LRRTM1: variants seen among roughly 807,000 people sequenced by gnomAD.
The protein encoded by LRRTM1 is leucine-rich repeat transmembrane neuronal protein 1.
Under a neutral mutation model 37.3 loss-of-function variants are expected in LRRTM1, and 8 were observed. That is an observed-to-expected ratio of 0.21 (90% CI 0.13 to 0.39). The LOEUF is 0.39. LRRTM1 is among the 10% of genes least tolerant of loss of function. LRRTM1 has a pLI of 1.00. For synonymous variants in LRRTM1, 326 were observed against 316.8 expected (o/e 1.03, Z -0.31); for missense variants, 557 against 691.0 (o/e 0.81, Z 2.17).
chr2:80,302,291 CACGAGCCAT>C lies in LRRTM1; in HGVS notation c.1520_1528del (p.Tyr507_Ser509del), dbSNP rs1485736792. 4 of 1,613,882 alleles carry C rather than the reference CACGAGCCAT, an allele frequency of 2.5e-6. No individual in the cohort carries two copies. The highest frequency in any genetic ancestry group is 3.4e-6 in the Non-Finnish European group (4 of 1,179,984). ...CCTCGCGGGCTGCTGGTGGCAGGTA[CACGAGCCAT>C]ACTCGTTGATGATCACCAGGGCTCC... On this transcript the variant is annotated inframe_deletion, in exon 2 of 2. Transcript: ENST00000295057. This position sits in a 1 kb window ranked among gnomAD's most constrained non-coding sequence, Gnocchi z 6.4.
In LRRTM1 at chr2:80,302,713, G is replaced by T. The variant is rs767240774; in HGVS notation, c.1107C>A (p.Pro369=). 1 of 1,612,826 alleles carries T rather than the reference G, an allele frequency of 6.2e-7. No homozygotes were observed. Among genetic ancestry groups the T allele is most frequent in the South Asian group, 1.1e-5 (1 of 91,042 alleles). ...AFHLCEDGAE[P]TSGHLLSAVT... ...CGGCCGAGAGCAGGTGGCCGCTGGT[G>T]GGCTCGGCCCCATCCTCGCACAGGT... Residue 369 remains proline, a synonymous_variant, in exon 2 of 2, where the codon CCC becomes CCA. Transcript: ENST00000295057. This position sits in a 1 kb window ranked among gnomAD's most constrained non-coding sequence, Gnocchi z 6.4.
rs777569370 is a variant in LRRTM1, at chr2:80,302,478, C to G, written c.1342G>C (p.Val448Leu). ...SFLIVVLVLY[V>L]SWKCFPASLR... ...CTGGCTGGGAAACACTTCCAGGACA[C>G]GTAGAGCACCAGGACCACGATGAGG... Residue 448 changes from valine to leucine, a missense_variant, in exon 2 of 2, where the codon GTG (valine) becomes CTG (leucine). Physicochemically the swap from Val to Leu is conservative, Grantham distance 32. Around this residue, in one of 5 missense-constraint regions of LRRTM1, gnomAD observed 90 missense variants for 149.4 expected, o/e 0.60. Transcript: ENST00000295057. This position sits in a 1 kb window ranked among gnomAD's most constrained non-coding sequence, Gnocchi z 6.4. 6.2e-7 allele frequency: 1 copy of G among 1,613,862 alleles called. No individual in the cohort carries two copies. The highest frequency in any genetic ancestry group is 8.5e-7 in the Non-Finnish European group (1 of 1,180,042).
At chr2:80,297,489 C>A (rs1675851456), downstream of LRRTM1, among the ~76,000 whole-genome samples, 1 of 152,152 alleles carries the variant, frequency 6.6e-6, no homozygotes, top group Non-Finnish European at 1.5e-5. Context: ...TCATTTATAT[C>A]TTTGTCTAAA....
chr2:80,288,841 G>A, exon 3 of LRRTM1: 1 of 152,150 alleles, frequency 6.6e-6, no homozygotes, highest in East Asian at 1.9e-4. Context: ...TTTGGGGTTG[G>A]TGGCCCCGGA....
chr2:80,302,886 C>A lies in LRRTM1; in HGVS notation c.934G>T (p.Ala312Ser), dbSNP rs1255827883. 1 of 1,614,124 alleles carries A rather than the reference C, an allele frequency of 6.2e-7. No individual in the cohort carries two copies. Among genetic ancestry groups the A allele is most frequent in the South Asian group, 1.1e-5 (1 of 91,078 alleles). Residue 312 changes from alanine to serine, a missense_variant, in exon 2 of 2, where the codon GCC (alanine) becomes TCC (serine). Coordinates refer to ENST00000295057, the MANE Select transcript of LRRTM1 (RefSeq NM_178839.5). The surrounding 1 kb of genome is among the most constrained non-coding windows in gnomAD (Gnocchi z 6.4). ...SWKSLTSITLAGNLWDCGRNV... is the reference protein window; with the variant it reads ...SWKSLTSITLSGNLWDCGRNV... ...CGCCCGCAATCCCACAGGTTCCCGGCCAGGGTGATGCTTGTCAGGGACTTC... is the reference window on the plus strand; with the variant it reads ...CGCCCGCAATCCCACAGGTTCCCGGACAGGGTGATGCTTGTCAGGGACTTC...
Position 80,303,936 on chromosome 2 carries a change from A to C in LRRTM1, c.-59-58T>G. On this transcript the variant is annotated intron_variant, in intron 1 of 1. Transcript: ENST00000295057. This position sits in a 1 kb window ranked among gnomAD's most constrained non-coding sequence, Gnocchi z 7.7. ...CGGGGGAGGGGGAGAAAAGGGCAAA[A>C]AATCAAATAAATACATAGAAATAAA... is the stretch of plus-strand genomic sequence containing the variant. 1 of 1,202,842 alleles carries C rather than the reference A, an allele frequency of 8.3e-7. No individual in the cohort carries two copies. Among genetic ancestry groups the C allele is most frequent in the Non-Finnish European group, 1.1e-6 (1 of 895,648 alleles). 74.5% of individuals were successfully genotyped at this position (1,202,842 alleles called of 1,614,324 possible).
In LRRTM1 at chr2:80,303,983, A is replaced by G; in HGVS notation, c.-59-105T>C. On this transcript the variant is annotated intron_variant, in intron 1 of 1. Coordinates refer to ENST00000295057, the MANE Select transcript of LRRTM1 (RefSeq NM_178839.5). The surrounding 1 kb of genome is among the most constrained non-coding windows in gnomAD (Gnocchi z 7.7). ...TAAAGAAGGACCCCCCTCCCCAAAAACCACACGTTCACCTCTAAGCATGCA... is the reference window on the plus strand; with the variant it reads ...TAAAGAAGGACCCCCCTCCCCAAAAGCCACACGTTCACCTCTAAGCATGCA... The G allele has an allele frequency of 1.3e-6, 1 of 772,576 alleles. No individual in the cohort carries two copies. The highest frequency in any genetic ancestry group is 2.9e-5 in the East Asian group (1 of 34,000). The allele number at this position is 772,576 out of a possible 1,614,324, so 47.9% of individuals were successfully genotyped here. A position where few individuals can be genotyped will look rare whatever the true frequency, so the allele number is the denominator to read the frequency against.
chr2:80,301,987 A>G lies in LRRTM1; in HGVS notation c.*264T>C, dbSNP rs1392725275. ...ATTCCTGAATATGGACAGATCTTCAAAGGGAGGAAGGAGTTCTCATATGAA... is the reference window on the plus strand; with the variant it reads ...ATTCCTGAATATGGACAGATCTTCAGAGGGAGGAAGGAGTTCTCATATGAA... On this transcript the variant is annotated 3_prime_UTR_variant, in exon 2 of 2. Transcript: ENST00000295057. 3 of 393,150 alleles carry G rather than the reference A, an allele frequency of 7.6e-6. No homozygotes were observed. Among genetic ancestry groups the G allele is most frequent in the African/African-American group, 6.1e-5 (3 of 48,808 alleles). 24.4% of individuals were successfully genotyped at this position (393,150 alleles called of 1,614,324 possible).
downstream of LRRTM1, among the ~76,000 whole-genome samples, chr2:80,300,045 C>T (rs1676102995): frequency 2.0e-5 from 3 of 152,076 alleles, no homozygotes; most frequent in Admixed American, 2.0e-4. Context: ...CTGAGAGAAT[C>T]TTTTTCCTGC....
At chr2:80,292,500 C>G (rs1301552368) in intron 2 of LRRTM1, among the ~76,000 whole-genome samples, 2 of 152,032 alleles carry the variant, frequency 1.3e-5, no homozygotes, top group African/African-American at 4.8e-5. Flanking sequence ...AGGCTTTTTG[C>G]AGGGCTTAAA....
Position 80,303,850 on chromosome 2 carries a change from A to C in LRRTM1, c.-31T>G, listed in dbSNP as rs762582496. ...AGAATCTTTCCAGAGAGACTGGAGA[A>C]TGTCCATTGGAAGCGCTCGGTCAGA... On this transcript the variant is annotated 5_prime_UTR_variant, in exon 2 of 2. Transcript: ENST00000295057. This position sits in a 1 kb window ranked among gnomAD's most constrained non-coding sequence, Gnocchi z 7.7. 2 of 1,488,654 alleles carry C rather than the reference A, an allele frequency of 1.3e-6. No homozygotes were observed. Among genetic ancestry groups the C allele is most frequent in the Non-Finnish European group, 1.8e-6 (2 of 1,118,424 alleles). 92.2% of individuals were successfully genotyped at this position (1,488,654 alleles called of 1,614,324 possible).
chr2:80,302,753 G>C lies in LRRTM1; in HGVS notation c.1067C>G (p.Ala356Gly). Reference sequence around the variant, plus strand: ...CTCGCACAGGTGGAAGGCGTACACGGCGTCCAGGACGTCCTCGCCCTGTGC... The same window carrying C: ...CTCGCACAGGTGGAAGGCGTACACGCCGTCCAGGACGTCCTCGCCCTGTGC... ...EYAQGEDVLDAVYAFHLCEDG... is the reference protein window; with the variant it reads ...EYAQGEDVLDGVYAFHLCEDG... Residue 356 changes from alanine (A) to glycine (G), a missense_variant, in exon 2 of 2, where the codon GCC (alanine) becomes GGC (glycine). By Grantham distance (60) the Ala-to-Gly change is moderately conservative (BLOSUM62 0). Around this residue, in one of 5 missense-constraint regions of LRRTM1, gnomAD observed 89 missense variants for 80.7 expected, o/e 1.10. Transcript: ENST00000295057. This position sits in a 1 kb window ranked among gnomAD's most constrained non-coding sequence, Gnocchi z 6.4. 6.2e-7 allele frequency: 1 copy of C among 1,613,190 alleles called. No homozygotes were observed. Among genetic ancestry groups the C allele is most frequent in the Non-Finnish European group, 8.5e-7 (1 of 1,179,892 alleles).
rs775910242 is a variant in LRRTM1, at chr2:80,302,759, A to G, written c.1061T>C (p.Leu354Pro). 1.2e-6 allele frequency: 2 copies of G among 1,613,228 alleles called. No individual in the cohort carries two copies. The highest frequency in any genetic ancestry group is 1.7e-5 in the Admixed American group (1 of 59,988). Residue 354 changes from leucine (L) to proline (P), a missense_variant, in exon 2 of 2, where the codon CTG becomes CCG. Leu to Pro is a moderately conservative substitution (Grantham distance 98). Transcript: ENST00000295057. The surrounding 1 kb of genome is among the most constrained non-coding windows in gnomAD (Gnocchi z 6.4). ...CAGGTGGAAGGCGTACACGGCGTCCAGGACGTCCTCGCCCTGTGCGTACTC... is the reference window on the plus strand; with the variant it reads ...CAGGTGGAAGGCGTACACGGCGTCCGGGACGTCCTCGCCCTGTGCGTACTC... ...SPEYAQGEDV[L>P]DAVYAFHLCE...
rs766388606 is a variant in LRRTM1, at chr2:80,303,289, G to A, written c.531C>T (p.Pro177=). 18 of 1,613,442 alleles carry A rather than the reference G, an allele frequency of 1.1e-5. No homozygotes were observed. The highest frequency in any genetic ancestry group is 6.7e-5 in the East Asian group (3 of 44,858). The part of the protein sequence containing the change: ...HMRANAIQFV[P]VRIFQDCRSL... ...TGCGGCAGTCCTGGAAGATGCGCAC[G>A]GGCACAAACTGGATGGCGTTGGCCC... is the stretch of plus-strand genomic sequence containing the variant. Residue 177 remains proline, a synonymous_variant, in exon 2 of 2, where the codon CCC becomes CCT. Coordinates refer to ENST00000295057, the MANE Select transcript of LRRTM1 (RefSeq NM_178839.5). This position sits in a 1 kb window ranked among gnomAD's most constrained non-coding sequence, Gnocchi z 7.7.
chr2:80,302,116 G>T lies in LRRTM1; in HGVS notation c.*135C>A. 1 of 1,174,906 alleles carries T rather than the reference G, an allele frequency of 8.5e-7. No individual in the cohort carries two copies. Among genetic ancestry groups the T allele is most frequent in the Non-Finnish European group, 1.2e-6 (1 of 859,796 alleles). The allele number at this position is 1,174,906 out of a possible 1,614,324, so 72.8% of individuals were successfully genotyped here. A position where few individuals can be genotyped will look rare whatever the true frequency, so the allele number is the denominator to read the frequency against. ...ATAAAGCTAAAATGTCAAGTCTCTG[G>T]GAGAGATCCCCTTAAAGTTTCAGTC... On this transcript the variant is annotated 3_prime_UTR_variant, in exon 2 of 2. Coordinates refer to ENST00000295057, the MANE Select transcript of LRRTM1 (RefSeq NM_178839.5). The surrounding 1 kb of genome is among the most constrained non-coding windows in gnomAD (Gnocchi z 6.4).
chr2:80,289,037 A>G (rs941150914), exon 3 of LRRTM1: 5 of 152,134 alleles, frequency 3.3e-5, no homozygotes, highest in African/African-American at 1.2e-4. Flanking sequence ...AGATGGGAGT[A>G]ATATGATGCG....
At chr2:80,294,469 G>T (rs1469177965) in intron 2 of LRRTM1, among the ~76,000 whole-genome samples, 1 of 151,402 alleles carries the variant, frequency 6.6e-6, no homozygotes, top group South Asian at 2.1e-4. Flanking sequence ...ACCCCATGGA[G>T]CCCTGACCCC....
chr2:80,303,869 G>A lies in LRRTM1; in HGVS notation c.-50C>T. The A allele has an allele frequency of 6.8e-7, 1 of 1,475,092 alleles. No homozygotes were observed. Among genetic ancestry groups the A allele is most frequent in the Non-Finnish European group, 9.0e-7 (1 of 1,111,800 alleles). The allele number at this position is 1,475,092 out of a possible 1,614,324, so 91.4% of individuals were successfully genotyped here. On this transcript the variant is annotated 5_prime_UTR_variant, in exon 2 of 2. It introduces an in-frame stop codon into an upstream open reading frame of the 5' UTR. Transcript: ENST00000295057. This position sits in a 1 kb window ranked among gnomAD's most constrained non-coding sequence, Gnocchi z 7.7. ...TGGAGAATGTCCATTGGAAGCGCTC[G>A]GTCAGAAATCTACATCATATTTTAT...
downstream of LRRTM1, among the ~76,000 whole-genome samples, chr2:80,297,995 A>ATG (rs377223222): frequency 1.6e-4 from 24 of 150,868 alleles, no homozygotes; most frequent in African/African-American, 2.9e-4. Context: ...GTGGTTATAT[A>ATG]TGTGTGTGTG....
Sources: allele counts gnomAD v4.1 joint callset (sites outside exome capture counted in the v4.1 genomes callset), GRCh38; gene constraint gnomAD v4.1.1; regional missense constraint gnomAD v4.1.1; non-coding constraint Gnocchi (gnomAD v3.1); transcripts MANE v1.5; gene names NCBI Gene and HGNC (gene_info 2026-07-23, HGNC 2026-07-21).